Variants in MAP4K5 observed in about 807,000 individuals in gnomAD.
MAP4K5 encodes the protein mitogen-activated protein kinase kinase kinase kinase 5, also known as MAPK/ERK kinase kinase kinase 5.
MAP4K5 carries 82 observed loss-of-function variants against 135.6 expected under a neutral mutation model. That is an observed-to-expected ratio of 0.60 (90% CI 0.51 to 0.73). The LOEUF (loss-of-function observed/expected upper bound fraction) is 0.73. MAP4K5 is among the 30% of genes least tolerant of loss of function. The pLI is 0.00. For missense variants in MAP4K5, 907 were observed against 1,010.9 expected (o/e 0.90, Z 1.39); for synonymous variants, 347 against 335.0 (o/e 1.04, Z -0.39).
intron 2 of MAP4K5, among the ~76,000 whole-genome samples, chr14:50,507,269 G>A (rs1262721925): frequency 1.3e-5 from 2 of 152,174 alleles, no homozygotes; most frequent in African/African-American, 4.8e-5. Context: ...TCAAGAGTTA[G>A]AATCCAATTT....
intron 2 of MAP4K5, among the ~76,000 whole-genome samples, chr14:50,520,508 G>C (rs775771604): frequency 6.6e-6 from 1 of 152,010 alleles, no homozygotes; most frequent in Non-Finnish European, 1.5e-5. Context: ...CTCAAAAAAA[G>C]ACAAAGCTGG....
intron 30 of MAP4K5, among the ~76,000 whole-genome samples, chr14:50,428,143 TTTACA>T (rs1317672105): frequency 6.6e-6 from 1 of 152,248 alleles, no homozygotes; most frequent in African/African-American, 2.4e-5. Context: ...CATGTTGTTA[TTTACA>T]TTAAAATTTG....
At chr14:50,460,355 G>A (rs559461716) in intron 13 of MAP4K5, among the ~76,000 whole-genome samples, 3 of 152,116 alleles carry the variant, frequency 2.0e-5, no homozygotes, top group East Asian at 1.9e-4. Flanking sequence ...TTTGCATTTC[G>A]AGAACTGAAA....
At chr14:50,435,201 T>G (rs535842175) in intron 26 of MAP4K5, 136 bp from the exon 27 acceptor site, 6 of 477,722 alleles carry the variant, frequency 1.3e-5, no homozygotes, top group African/African-American at 1.2e-4. Flanking sequence ...CTTCATTGCC[T>G]TTTCCGTTTT....
At chr14:50,519,170 G>A (rs536099403) in intron 2 of MAP4K5, among the ~76,000 whole-genome samples, 38 of 142,166 alleles carry the variant, frequency 2.7e-4, no homozygotes, top group Admixed American at 1.3e-3. Context: ...CTGACAAAAA[G>A]TTGTTATATA....
chr14:50,537,468 C>T (rs1209226627), upstream of MAP4K5, among the ~76,000 whole-genome samples: 1 of 152,164 alleles, frequency 6.6e-6, no homozygotes, highest in African/African-American at 2.4e-5. Flanking sequence ...TACTGAGGTA[C>T]TGCCTAGTGG....
intron 1 of MAP4K5, among the ~76,000 whole-genome samples, chr14:50,544,481 G>C (rs2038603025): frequency 6.6e-6 from 1 of 152,196 alleles, no homozygotes; most frequent in Admixed American, 6.5e-5. Context: ...GACACAGGAG[G>C]AAAAGTCTGC....
At chr14:50,428,328 T>G (rs2035891670) in intron 30 of MAP4K5, among the ~76,000 whole-genome samples, 2 of 152,158 alleles carry the variant, frequency 1.3e-5, no homozygotes, top group South Asian at 4.1e-4. Flanking sequence ...TGATCTCAGC[T>G]CACTGCAACC....
intron 14 of MAP4K5, among the ~76,000 whole-genome samples, chr14:50,455,706 C>T (rs1257778914): frequency 6.6e-6 from 1 of 152,016 alleles, no homozygotes; most frequent in South Asian, 2.1e-4. Flanking sequence ...TTCTAATTAG[C>T]TCAAATATTT....
intron 11 of MAP4K5, 22 bp from the exon 12 acceptor site, chr14:50,464,155 C>T (rs917752497): frequency 5.8e-6 from 7 of 1,199,364 alleles, no homozygotes; most frequent in African/African-American, 1.5e-5. Flanking sequence ...AAGAGACGTA[C>T]AAAAATATTT....
chr14:50,518,332 G>A (rs1477985279), intron 2 of MAP4K5, among the ~76,000 whole-genome samples: 1 of 151,988 alleles, frequency 6.6e-6, no homozygotes. Flanking sequence ...TTGTTACATA[G>A]GTATATGTGT....
At chr14:50,488,374 A>G (rs955642019) in intron 3 of MAP4K5, among the ~76,000 whole-genome samples, 1 of 152,226 alleles carries the variant, frequency 6.6e-6, no homozygotes, top group Non-Finnish European at 1.5e-5. Context: ...GTGGGGACAC[A>G]AAGCCTAACC....
intron 1 of MAP4K5, among the ~76,000 whole-genome samples, chr14:50,548,758 C>T (rs139095542): frequency 4.7e-4 from 71 of 152,228 alleles, no homozygotes; most frequent in African/African-American, 1.7e-3. Flanking sequence ...GATCCGCCTG[C>T]CTCAGCCTCC....
At chr14:50,520,048 G>C (rs1335204784) in intron 2 of MAP4K5, among the ~76,000 whole-genome samples, 1 of 152,180 alleles carries the variant, frequency 6.6e-6, no homozygotes, top group African/African-American at 2.4e-5. Context: ...GCATGCATGT[G>C]AGAAATAACA....
intron 1 of MAP4K5, among the ~76,000 whole-genome samples, chr14:50,549,417 G>A (rs781229614): frequency 3.9e-5 from 6 of 152,140 alleles, no homozygotes; most frequent in African/African-American, 4.8e-5. Flanking sequence ...GGTTCCCTCT[G>A]CACCAAGTCA....
intron 2 of MAP4K5, among the ~76,000 whole-genome samples, chr14:50,506,419 C>T (rs1430095300): frequency 6.6e-6 from 1 of 152,156 alleles, no homozygotes; most frequent in Non-Finnish European, 1.5e-5. Flanking sequence ...AGTGCAGCAA[C>T]AGGATCTCGG....
intron 28 of MAP4K5, 138 bp downstream of exon 28, chr14:50,434,256 C>T (rs1459196596): frequency 4.6e-5 from 29 of 635,610 alleles, no homozygotes; most frequent in Non-Finnish European, 7.2e-5. Context: ...GTACACGGTT[C>T]TATGGGCTTA....
intron 2 of MAP4K5, among the ~76,000 whole-genome samples, chr14:50,514,377 C>T (rs1046688977): frequency 4.6e-5 from 7 of 152,180 alleles, no homozygotes; most frequent in Non-Finnish European, 7.3e-5. Flanking sequence ...GCCACTAGTC[C>T]CGGCTGAAAC....
chr14:50,472,985 T>G (rs1257072843), intron 9 of MAP4K5, among the ~76,000 whole-genome samples: 2 of 152,212 alleles, frequency 1.3e-5, no homozygotes, highest in African/African-American at 4.8e-5. Flanking sequence ...TCTGGACTAT[T>G]GATTTCCACT....
Sources: gnomAD v4.1 joint callset for allele counts (sites outside exome capture counted in the v4.1 genomes callset) on GRCh38, gnomAD v4.1.1 for gene constraint, MANE v1.5 for transcripts, NCBI Gene and HGNC (gene_info 2026-07-23, HGNC 2026-07-21) for gene names.